Variants in UBN1 observed in about 807,000 individuals in gnomAD.
The protein encoded by UBN1 is ubinuclein 1.
In UBN1, 17 loss-of-function variants were observed where a neutral mutation model predicts 108.5. That is an observed-to-expected ratio of 0.16 (90% CI 0.11 to 0.24). The LOEUF (loss-of-function observed/expected upper bound fraction) is 0.24. Ranked by LOEUF, UBN1 falls within the 10% of genes least tolerant of loss-of-function variation. The pLI is 1.00. For synonymous variants in UBN1, 726 were observed against 564.2 expected, an observed-to-expected ratio of 1.29 and a Z score of -4.07; for missense variants, 1,595 against 1,394.4, an observed-to-expected ratio of 1.14 and a Z score of -2.29.
Position 4,870,344 on chromosome 16 carries a change from G to A in UBN1, c.1311+3G>A, listed in dbSNP as rs1197696335. Reference sequence around the variant, plus strand: ...GGAAACTTCACCTCTATGAACAGGTGGGTGACTCTAGAGTGAAGCCCTTTG... The same window carrying A: ...GGAAACTTCACCTCTATGAACAGGTAGGTGACTCTAGAGTGAAGCCCTTTG... On this transcript the variant is annotated splice_donor_region_variant and intron_variant, in intron 9 of 17. Coordinates refer to ENST00000262376, the MANE Select transcript of UBN1 (RefSeq NM_001079514.3). The A allele has an allele frequency of 6.2e-7, 1 of 1,613,952 alleles. No homozygotes were observed. The highest frequency in any genetic ancestry group is 1.7e-5 in the Admixed American group (1 of 59,994).
At position 4,881,792 on chromosome 16, in the gene UBN1, C is replaced by T. The variant is rs2088082796; in HGVS notation, c.*1660C>T. ...ATTTCCAGTTTGTTTACAGAGTAGT[C>T]TTAGGTAGTAGCAAAAGAGCCAAAG... On this transcript the variant is annotated 3_prime_UTR_variant, in exon 18 of 18. Coordinates refer to ENST00000262376, the MANE Select transcript of UBN1 (RefSeq NM_001079514.3). 1 of 152,258 alleles carries T rather than the reference C, an allele frequency of 6.6e-6. No homozygotes were observed. The highest frequency in any genetic ancestry group is 2.1e-4 in the South Asian group (1 of 4,828). 9.4% of individuals were successfully genotyped at this position (152,258 alleles called of 1,614,324 possible). A position where few individuals can be genotyped will look rare whatever the true frequency, so the allele number is the denominator to read the frequency against.
chr16:4,856,429 C>A, intron 2 of UBN1, among the ~76,000 whole-genome samples: 1 of 152,170 alleles, frequency 6.6e-6, no homozygotes, highest in East Asian at 1.9e-4. Flanking sequence ...AGTATGAAGG[C>A]ATTGTGCTAG....
At position 4,874,554 on chromosome 16, in the gene UBN1, A is replaced by G; in HGVS notation, c.2144A>G (p.Lys715Arg). The stretch of plus-strand genomic sequence containing the variant: ...GGAGGCGTTTTATGTACAGAAGAAA[A>G]AAGGAACTTTGCGAAGCCTAGTCCT... The part of the protein sequence containing the change: ...KVGGVLCTEE[K>R]RNFAKPSPSA... Residue 715 changes from lysine (K) to arginine (R), a missense_variant, in exon 15 of 18, where the codon AAA becomes AGA. Transcript: ENST00000262376. The G allele has an allele frequency of 1.9e-6, 3 of 1,614,234 alleles. No individual in the cohort carries two copies. Among genetic ancestry groups the G allele is most frequent in the Non-Finnish European group, 2.5e-6 (3 of 1,180,048 alleles).
chr16:4,856,732 G>T (rs2086828618), intron 2 of UBN1, among the ~76,000 whole-genome samples: 1 of 152,202 alleles, frequency 6.6e-6, no homozygotes, highest in Non-Finnish European at 1.5e-5. Context: ...GCTGCTCAAG[G>T]TTGGTGGGAT....
intron 1 of UBN1, among the ~76,000 whole-genome samples, chr16:4,850,959 G>A (rs2086530064): frequency 6.6e-6 from 1 of 152,134 alleles, no homozygotes; most frequent in Non-Finnish European, 1.5e-5. Context: ...ATTAAAGTAT[G>A]AAACTTTACA....
At chr16:4,853,208 C>A (rs953200358) in intron 2 of UBN1, 42 bp downstream of exon 2, 1 of 1,607,200 alleles carries the variant, frequency 6.2e-7, no homozygotes, top group African/African-American at 1.3e-5. Flanking sequence ...GTTTAACGCA[C>A]AGGGGTCAGT....
At chr16:4,873,866 T>C (rs776327813) in intron 14 of UBN1, among the ~76,000 whole-genome samples, 6 of 152,180 alleles carry the variant, frequency 3.9e-5, no homozygotes, top group Non-Finnish European at 7.3e-5. Context: ...CAGCTAGGAG[T>C]GCGCTGAGAC....
At chr16:4,849,182 A>G (rs370782707) in intron 1 of UBN1, among the ~76,000 whole-genome samples, 13 of 152,320 alleles carry the variant, frequency 8.5e-5, no homozygotes, top group African/African-American at 3.1e-4. Flanking sequence ...AACATCAGAA[A>G]CATGGTACAT....
At chr16:4,856,373 A>G (rs2086810419) in intron 2 of UBN1, among the ~76,000 whole-genome samples, 1 of 152,166 alleles carries the variant, frequency 6.6e-6, no homozygotes. Context: ...ATACAATAAA[A>G]TCAGGCACAT....
intron 7 of UBN1, among the ~76,000 whole-genome samples, chr16:4,867,479 A>G (rs912878021): frequency 6.6e-6 from 1 of 152,178 alleles, no homozygotes; most frequent in Admixed American, 6.5e-5. Flanking sequence ...CCTGTAACCA[A>G]TCCCCTGCCT....
At chr16:4,869,458 A>G (rs2087501729) in intron 8 of UBN1, among the ~76,000 whole-genome samples, 2 of 152,246 alleles carry the variant, frequency 1.3e-5, no homozygotes, top group South Asian at 4.1e-4. Context: ...CAGACTGGGA[A>G]AAGTGAATCC....
At chr16:4,868,937 G>T in intron 8 of UBN1, 34 bp downstream of exon 8, 1 of 1,609,024 alleles carries the variant, frequency 6.2e-7, no homozygotes, top group Non-Finnish European at 8.5e-7. Flanking sequence ...CTGTCTGTCT[G>T]TTTCTGCTAT....
At chr16:4,858,715 C>T (rs370280585) in intron 4 of UBN1, 52 bp downstream of exon 4, 4 of 1,563,332 alleles carry the variant, frequency 2.6e-6, no homozygotes, top group Non-Finnish European at 2.6e-6. Flanking sequence ...TGTAGCTCCT[C>T]CTGATACTGA....
intron 12 of UBN1, among the ~76,000 whole-genome samples, chr16:4,872,562 C>T (rs576335671): frequency 3.9e-5 from 6 of 152,232 alleles, no homozygotes; most frequent in East Asian, 1.9e-4. Flanking sequence ...TCCGCCTCCC[C>T]GGTTTGAGCG....
intron 5 of UBN1, 82 bp downstream of exon 5, chr16:4,859,241 G>T (rs1005794092): frequency 1.3e-6 from 2 of 1,544,854 alleles, no homozygotes; most frequent in African/African-American, 2.7e-5. Flanking sequence ...GCCAGAATAC[G>T]TGGCGCTTGG....
Position 4,860,944 on chromosome 16 carries a change from C to A in UBN1, c.952C>A (p.His318Asn). The change falls in exon 7 of 18, where the codon CAT becomes AAT. Residue 318 changes from histidine (H) to asparagine (N), a missense_variant. His to Asn is a moderately conservative substitution (Grantham distance 68, BLOSUM62 1). This residue lies in a region of UBN1 where 1,398 missense variants were observed against 1,194.7 expected (regional missense o/e 1.17). Coordinates refer to ENST00000262376, the MANE Select transcript of UBN1 (RefSeq NM_001079514.3). ...MDSLTDLDLE[H>N]LLSESPEGSP... ...CTCGCTGACGGATTTGGACTTGGAG[C>A]ATCTGCTCAGTGAGTCTCCAGAAGG... 1 of 1,614,272 alleles carries A rather than the reference C, an allele frequency of 6.2e-7. No individual in the cohort carries two copies. The highest frequency in any genetic ancestry group is 8.5e-7 in the Non-Finnish European group (1 of 1,180,058).
chr16:4,856,592 TAGAA>T (rs752757957), intron 2 of UBN1, among the ~76,000 whole-genome samples: 3 of 152,174 alleles, frequency 2.0e-5, no homozygotes, highest in Non-Finnish European at 2.9e-5. Flanking sequence ...CTGGAGGTCT[TAGAA>T]AGAAGAGAGC....
rs1260511542 is a variant in UBN1, at chr16:4,874,786, G to A, written c.2376G>A (p.Gly792=). Reference sequence around the variant, plus strand: ...ACAGCTTGCCACGGACGTCTCACGGGCCCCAAGTGGCAGTTCCTGTGCCTG... The same window carrying A: ...ACAGCTTGCCACGGACGTCTCACGGACCCCAAGTGGCAGTTCCTGTGCCTG... ...KHHSLPRTSH[G]PQVAVPVPGP... Residue 792 remains glycine, a synonymous_variant, in exon 15 of 18, where the codon GGG becomes GGA. Transcript: ENST00000262376. 12 of 1,613,876 alleles carry A rather than the reference G, an allele frequency of 7.4e-6. No homozygotes were observed. The Admixed American group carries it at 1.7e-4, about 22-fold the overall frequency.
In UBN1 at chr16:4,852,880, A is replaced by T; in HGVS notation, c.-38A>T. ...GGCCCTTCTTTTCAATGTTAACAGA[A>T]GCCATGCAGTGACACCCGCTAAGAC... On this transcript the variant is annotated splice_region_variant and 5_prime_UTR_variant, in exon 2 of 18. In the 5' UTR this introduces an upstream ATG that the reference lacks. Transcript: ENST00000262376. The T allele has an allele frequency of 6.3e-7, 1 of 1,580,774 alleles. No homozygotes were observed. The highest frequency in any genetic ancestry group is 8.6e-7 in the Non-Finnish European group (1 of 1,161,068).
Sources: allele counts gnomAD v4.1 joint callset (sites outside exome capture counted in the v4.1 genomes callset), GRCh38; gene constraint gnomAD v4.1.1; regional missense constraint gnomAD v4.1.1; transcripts MANE v1.5; gene names NCBI Gene and HGNC (gene_info 2026-07-23, HGNC 2026-07-21).